The following RAB3IP variants were observed in gnomAD, a reference collection of about 807,000 sequenced individuals.
RAB3IP encodes the protein RAB3A interacting protein.
A neutral mutation model predicts 59.1 loss-of-function variants in RAB3IP; 36 were observed. The ratio of observed to expected loss-of-function variants is 0.61; its 90% CI spans 0.47 to 0.80. The LOEUF (loss-of-function observed/expected upper bound fraction) is 0.80, where lower values mean the gene tolerates loss of function less well. Ranked by LOEUF, RAB3IP falls within the 30% of genes least tolerant of loss-of-function variation. The probability of loss-of-function intolerance (pLI) is 0.00; values close to 1 mark genes in which losing one functional copy is unlikely to be tolerated. For missense variants in RAB3IP, 511 were observed against 536.0 expected (o/e 0.95, Z 0.46); for synonymous variants, 207 against 191.2 (o/e 1.08, Z -0.68).
At position 69,815,498 on chromosome 12, in the gene RAB3IP, A is replaced by G. The variant is rs771541521; in HGVS notation, c.*52A>G. ...TCCCCGAATAACTGAAAAATGGCTGAATATTTTTATGGTTACTTGATATTT... is the reference window on the plus strand; with the variant it reads ...TCCCCGAATAACTGAAAAATGGCTGGATATTTTTATGGTTACTTGATATTT... On this transcript the variant is annotated 3_prime_UTR_variant, in exon 11 of 11. Transcript: ENST00000247833. 1 of 1,244,714 alleles carries G rather than the reference A, an allele frequency of 8.0e-7. No individual in the cohort carries two copies. The highest frequency in any genetic ancestry group is 1.2e-6 in the Non-Finnish European group (1 of 852,242). The allele number at this position is 1,244,714 out of a possible 1,614,324, so 77.1% of individuals were successfully genotyped here.
chr12:69,756,687 T>C, intron 3 of RAB3IP, 24 bp downstream of exon 3: 1 of 1,580,952 alleles, frequency 6.3e-7, no homozygotes, highest in African/African-American at 1.4e-5. Flanking sequence ...TATTTTATTC[T>C]TCCATATATT....
At chr12:69,758,015 T>G (rs1215228696) in intron 3 of RAB3IP, among the ~76,000 whole-genome samples, 3 of 152,230 alleles carry the variant, frequency 2.0e-5, no homozygotes, top group Non-Finnish European at 4.4e-5. Flanking sequence ...ATGTGGTGAC[T>G]TTTATGAAGA....
rs772262865 is a variant in RAB3IP, at chr12:69,812,753, A to G, written c.1131-25A>G. 8 of 1,531,134 alleles carry G rather than the reference A, an allele frequency of 5.2e-6. No homozygotes were observed. The East Asian group carries it at 1.6e-4, about 30-fold the overall frequency. The allele number at this position is 1,531,134 out of a possible 1,614,324, so 94.8% of individuals were successfully genotyped here. A position where few individuals can be genotyped will look rare whatever the true frequency, so the allele number is the denominator to read the frequency against. On this transcript the variant is annotated intron_variant, in intron 8 of 10. Transcript: ENST00000247833. ...GGGCAAATGCTTTTCATTTCAAAAA[A>G]CTGAAATTTATCATTATTTCACAGA... is the stretch of plus-strand genomic sequence containing the variant.
chr12:69,779,374 T>C (rs1592532966), intron 3 of RAB3IP, among the ~76,000 whole-genome samples: 1 of 151,230 alleles, frequency 6.6e-6, no homozygotes, highest in African/African-American at 2.4e-5. Context: ...TCACCCGTCT[T>C]CTGCGTCGCT....
intron 3 of RAB3IP, among the ~76,000 whole-genome samples, chr12:69,763,240 C>A (rs1470325420): frequency 6.6e-6 from 1 of 152,146 alleles, no homozygotes; most frequent in Admixed American, 6.5e-5. Context: ...CACAAAATTG[C>A]CCTTGATGAG....
intron 6 of RAB3IP, among the ~76,000 whole-genome samples, chr12:69,798,895 C>T (rs144930340): frequency 1.3e-3 from 202 of 152,142 alleles, no homozygotes; most frequent in African/African-American, 4.7e-3. Context: ...ATTAAACAGA[C>T]TGTTAAATTG....
intron 7 of RAB3IP, among the ~76,000 whole-genome samples, chr12:69,800,958 C>T (rs11177860): frequency 0.11 from 16,197 of 152,180 alleles, 1,189 homozygotes; most frequent in Non-Finnish European, 0.16. Context: ...TTAATTATAA[C>T]GTTGCTTACC....
At chr12:69,797,534 T>C (rs1225953003) in intron 6 of RAB3IP, among the ~76,000 whole-genome samples, 12 of 150,944 alleles carry the variant, frequency 7.9e-5, no homozygotes, top group African/African-American at 2.9e-4. Context: ...TTTTTAATTA[T>C]TGTTATACTT....
At chr12:69,766,832 C>T (rs1872289530) in intron 3 of RAB3IP, among the ~76,000 whole-genome samples, 1 of 152,114 alleles carries the variant, frequency 6.6e-6, no homozygotes, top group Non-Finnish European at 1.5e-5. Context: ...GGTGCAGAAC[C>T]TCTGATTTCT....
At chr12:69,761,697 T>A (rs1033592682) in intron 3 of RAB3IP, among the ~76,000 whole-genome samples, 2 of 152,226 alleles carry the variant, frequency 1.3e-5, no homozygotes, top group Non-Finnish European at 2.9e-5. Context: ...TTTTGTTGAT[T>A]AAATGAATAT....
At chr12:69,761,354 T>TG (rs1239823964) in intron 3 of RAB3IP, among the ~76,000 whole-genome samples, 1 of 152,220 alleles carries the variant, frequency 6.6e-6, no homozygotes, top group Non-Finnish European at 1.5e-5. Context: ...GGGGCAGATC[T>TG]GGGGTGCACA....
intron 4 of RAB3IP, among the ~76,000 whole-genome samples, chr12:69,786,228 C>T (rs946736744): frequency 3.3e-5 from 5 of 152,228 alleles, no homozygotes; most frequent in East Asian, 1.9e-4. Context: ...CTAATTGTAA[C>T]GATAGTCATA....
intron 1 of RAB3IP, 45 bp from the exon 2 acceptor site, chr12:69,755,339 A>G (rs544925201): frequency 6.9e-7 from 1 of 1,457,520 alleles, no homozygotes; most frequent in South Asian, 1.2e-5. Flanking sequence ...TTAGTTTTAA[A>G]TGTTATTATC....
chr12:69,770,031 G>T (rs934452730), intron 3 of RAB3IP, among the ~76,000 whole-genome samples: 2 of 150,046 alleles, frequency 1.3e-5, no homozygotes, highest in African/African-American at 4.9e-5. Flanking sequence ...AAACAGAAAG[G>T]CACAAAAAAG....
chr12:69,739,976 C>G (rs1887142690), intron 1 of RAB3IP: 2 of 1,044,684 alleles, frequency 1.9e-6, no homozygotes, highest in Non-Finnish European at 2.9e-6. Context: ...GTTATACACT[C>G]TCCTGTTTCA....
intron 4 of RAB3IP, 93 bp from the exon 5 acceptor site, chr12:69,794,344 G>A (rs1214250152): frequency 1.0e-6 from 1 of 974,720 alleles, no homozygotes; most frequent in African/African-American, 1.6e-5. Context: ...ACTTTTGGTA[G>A]TATATCTTTG....
rs1218221672 is a variant in RAB3IP at position 69,817,261 on chromosome 12, A to G, written c.*1815A>G. 4 of 152,228 alleles carry G rather than the reference A, an allele frequency of 2.6e-5. No homozygotes were observed. Among genetic ancestry groups the G allele is most frequent in the Non-Finnish European group, 5.9e-5 (4 of 68,042 alleles). The allele number at this position is 152,228 out of a possible 1,614,324, so 9.4% of individuals were successfully genotyped here. On this transcript the variant is annotated 3_prime_UTR_variant, in exon 11 of 11. Coordinates refer to ENST00000247833, the MANE Select transcript of RAB3IP (RefSeq NM_022456.5). The stretch of plus-strand genomic sequence containing the variant: ...AAATCTTTAGTAATCTATAAGGGGA[A>G]GAATGCTTTTCAACCTTATACACTA...
At chr12:69,746,816 T>G (rs569169597) in intron 1 of RAB3IP, among the ~76,000 whole-genome samples, 1 of 152,324 alleles carries the variant, frequency 6.6e-6, no homozygotes, top group South Asian at 2.1e-4. Flanking sequence ...AACTGTTTCT[T>G]TCATAATTCA....
rs1403907333 is a variant in RAB3IP, at chr12:69,818,425, G to A, written c.*2979G>A. 6.6e-6 allele frequency: 1 copy of A among 151,354 alleles called. No homozygotes were observed. Among genetic ancestry groups the A allele is most frequent in the Non-Finnish European group, 1.5e-5 (1 of 67,940 alleles). 9.4% of individuals were successfully genotyped at this position (151,354 alleles called of 1,614,324 possible). ...GATTGTGCCACTGCACTCTTACCTT[G>A]GGTGACAGAGTAAGATCATACCTTA... On this transcript the variant is annotated 3_prime_UTR_variant, in exon 11 of 11. Coordinates refer to ENST00000247833, the MANE Select transcript of RAB3IP (RefSeq NM_022456.5).
Sources: gnomAD v4.1 joint callset for allele counts (sites outside exome capture counted in the v4.1 genomes callset) on GRCh38, gnomAD v4.1.1 for gene constraint, MANE v1.5 for transcripts, NCBI Gene and HGNC (gene_info 2026-07-23, HGNC 2026-07-21) for gene names.